Variants in SRCAP observed in about 807,000 individuals in gnomAD.
The protein encoded by SRCAP is chromatin remodeling protein SRCAP.
SRCAP carries 46 observed loss-of-function variants against 263.1 expected under a neutral mutation model. That is an observed-to-expected ratio of 0.17 (90% CI 0.14 to 0.22). SRCAP has a LOEUF of 0.22. SRCAP is among the 10% of genes least tolerant of loss of function. The probability of loss-of-function intolerance (pLI) is 1.00; values close to 1 mark genes in which losing one functional copy is unlikely to be tolerated. For synonymous variants in SRCAP, 1,813 were observed against 1,662.1 expected, an observed-to-expected ratio of 1.09 and a Z score of -2.21; for missense variants, 3,695 against 4,181.9, an observed-to-expected ratio of 0.88 and a Z score of 3.21.
In SRCAP at chr16:30,729,643, G is replaced by C. The variant is rs76602626; in HGVS notation, c.6127+71G>C. The stretch of plus-strand genomic sequence containing the variant: ...TTAGTATTAAGACTGTTGTATCAGA[G>C]GGATGCTGCACTTAAGTTCTCTTGC... On this transcript the variant is annotated intron_variant, in intron 27 of 33. Transcript: ENST00000262518. The C allele has an allele frequency of 3.3e-3, 5,133 of 1,562,682 alleles. 15 individuals carry two copies. The highest frequency in any genetic ancestry group is 4.1e-3 in the Non-Finnish European group (4,722 of 1,139,310).
chr16:30,737,498 C>T lies in SRCAP; in HGVS notation c.7458C>T (p.Pro2486=). The change falls in exon 34 of 34, where the codon CCC becomes CCT. Residue 2486 remains proline (P), a synonymous_variant. Coordinates refer to ENST00000262518, the MANE Select transcript of SRCAP (RefSeq NM_006662.3). ...CTGTCCATATCTTGCCTTCTCCTCCCCCTCCTTCACAGATTCCTCCTTGTT... is the reference window on the plus strand; with the variant it reads ...CTGTCCATATCTTGCCTTCTCCTCCTCCTCCTTCACAGATTCCTCCTTGTT... ...ILPVHILPSP[P]PPSQIPPCSS... The T allele has an allele frequency of 1.3e-6, 2 of 1,597,564 alleles. No homozygotes were observed. Among genetic ancestry groups the T allele is most frequent in the Non-Finnish European group, 8.6e-7 (1 of 1,165,758 alleles).
At position 30,737,039 on chromosome 16, in the gene SRCAP, G is replaced by A. The variant is rs1393940379; in HGVS notation, c.7009-10G>A. ...CTCCTCCTGACCACTTTTGGACCCT[G>A]TTGTTGTAGGAGCAAGTGGAAGCTG... On this transcript the variant is annotated splice_polypyrimidine_tract_variant and intron_variant, in intron 33 of 33. Transcript: ENST00000262518. 21 of 1,572,990 alleles carry A rather than the reference G, an allele frequency of 1.3e-5. No homozygotes were observed. The highest frequency in any genetic ancestry group is 1.8e-5 in the Non-Finnish European group (21 of 1,158,840).
intron 18 of SRCAP, among the ~76,000 whole-genome samples, chr16:30,719,302 G>A (rs571854053): frequency 7.3e-5 from 11 of 151,616 alleles, no homozygotes; most frequent in African/African-American, 1.7e-4. Flanking sequence ...TGCAAGCTCC[G>A]CCCCTCCAGG....
At chr16:30,714,472 A>G (rs1434769376) in intron 16 of SRCAP, among the ~76,000 whole-genome samples, 1 of 148,938 alleles carries the variant, frequency 6.7e-6, no homozygotes, top group Non-Finnish European at 1.5e-5. Flanking sequence ...GCCTCCGAAA[A>G]TCCTGGAATT....
In SRCAP at chr16:30,724,619, T is replaced by C; in HGVS notation, c.5195T>C (p.Leu1732Pro). Residue 1732 changes from leucine (L) to proline (P), a missense_variant, in exon 25 of 34, where the codon CTG (leucine) becomes CCG (proline). Around this residue, in one of 12 missense-constraint regions of SRCAP, gnomAD observed 1,347 missense variants for 1,304.4 expected, o/e 1.03. Transcript: ENST00000262518. ...CTGGTACCAACTCCAGCCCAGACAC[T>C]GTCTTTGGCACCAGGACCACCACTG... is the stretch of plus-strand genomic sequence containing the variant. ...SSLVPTPAQT[L>P]SLAPGPPLGP... is the part of the protein sequence containing the mutation. 1 of 1,614,088 alleles carries C rather than the reference T, an allele frequency of 6.2e-7. No homozygotes were observed. The highest frequency in any genetic ancestry group is 8.5e-7 in the Non-Finnish European group (1 of 1,180,028).
At chr16:30,711,452 C>T (rs748057908) in intron 10 of SRCAP, 119 bp from the exon 11 acceptor site, 59 of 1,041,386 alleles carry the variant, frequency 5.7e-5, no homozygotes, top group Non-Finnish European at 7.5e-5. Flanking sequence ...TCTTTTGCCT[C>T]CCCTCAGACC....
At chr16:30,714,142 G>A (rs1309629047) in intron 16 of SRCAP, among the ~76,000 whole-genome samples, 7 of 149,162 alleles carry the variant, frequency 4.7e-5, no homozygotes, top group African/African-American at 7.4e-5. Context: ...TTGGCTCACT[G>A]CAAGCTTTGC....
chr16:30,703,246 G>A (rs918155612), intron 3 of SRCAP, among the ~76,000 whole-genome samples: 7 of 150,910 alleles, frequency 4.6e-5, no homozygotes, highest in African/African-American at 1.5e-4. Flanking sequence ...ATGCAGTGGC[G>A]CGATCTCGGC....
intron 13 of SRCAP, 30 bp from the exon 14 acceptor site, chr16:30,712,649 C>T (rs1330794805): frequency 1.2e-6 from 2 of 1,613,642 alleles, no homozygotes; most frequent in Non-Finnish European, 1.7e-6. Context: ...TTTACATTTC[C>T]TTACCATCTC....
In SRCAP at chr16:30,712,749, G is replaced by T. The variant is rs4889500; in HGVS notation, c.2064G>T (p.Arg688=). The T allele has an allele frequency of 0.99, 1,605,071 of 1,614,002 alleles. 798,477 individuals are homozygous for T. Among genetic ancestry groups the T allele is most frequent in the Non-Finnish European group, 1 (1,179,876 of 1,180,018 alleles). Residue 688 remains arginine, a synonymous_variant, in exon 14 of 34, where the codon CGG becomes CGT. Coordinates refer to ENST00000262518, the MANE Select transcript of SRCAP (RefSeq NM_006662.3). Reference sequence around the variant, plus strand: ...TGAACTGGGAGATGGAGTTGAAACGGTGGTGCCCCAGCTTTAAAATCCTCA... The same window carrying T: ...TGAACTGGGAGATGGAGTTGAAACGTTGGTGCCCCAGCTTTAAAATCCTCA... The part of the protein sequence containing the change: ...VMLNWEMELK[R]WCPSFKILTY...
chr16:30,733,209 C>A lies in SRCAP; in HGVS notation c.6128-71C>A. 2 of 1,524,098 alleles carry A rather than the reference C, an allele frequency of 1.3e-6. No homozygotes were observed. Among genetic ancestry groups the A allele is most frequent in the Non-Finnish European group, 1.8e-6 (2 of 1,123,450 alleles). The allele number at this position is 1,524,098 out of a possible 1,614,324, so 94.4% of individuals were successfully genotyped here. A position where few individuals can be genotyped will look rare whatever the true frequency, so the allele number is the denominator to read the frequency against. On this transcript the variant is annotated intron_variant, in intron 27 of 33. Transcript: ENST00000262518. This position sits in a 1 kb window ranked among gnomAD's most constrained non-coding sequence, Gnocchi z 5.3. ...AGCATTGATTATCTTTCAACCCCAG[C>A]CTTGCATTGCTAAGCATTCTACCCA...
Position 30,724,606 on chromosome 16 carries a change from C to T in SRCAP, c.5182C>T (p.Pro1728Ser), listed in dbSNP as rs2053044714. The T allele has an allele frequency of 3.7e-6, 6 of 1,614,210 alleles. No homozygotes were observed. The highest frequency in any genetic ancestry group is 5.1e-6 in the Non-Finnish European group (6 of 1,180,044). The change falls in exon 25 of 34, where the codon CCA becomes TCA. Residue 1728 changes from proline (P) to serine (S), a missense_variant. Pro to Ser is a moderately conservative substitution (Grantham distance 74). This residue lies in a region of SRCAP where 1,347 missense variants were observed against 1,304.4 expected (regional missense o/e 1.03). Transcript: ENST00000262518. Reference protein sequence around the residue: ...LTPASSLVPTPAQTLSLAPGP... With the variant: ...LTPASSLVPTSAQTLSLAPGP... ...TCCAGCATCATCCCTGGTACCAACT[C>T]CAGCCCAGACACTGTCTTTGGCACC... is the stretch of plus-strand genomic sequence containing the variant.
At position 30,709,725 on chromosome 16, in the gene SRCAP, G is replaced by A. The variant is rs1434846873; in HGVS notation, c.846G>A (p.Leu282=). ...ASSPPPPASR[L]DDEDGDFQPQ... ...GTCCTCCACCCCCTGCTTCTCGCCT[G>A]GATGATGAAGGTGTGTGTTCTCTTT... The change falls in exon 7 of 34, where the codon CTG becomes CTA. Residue 282 remains leucine, a synonymous_variant. Coordinates refer to ENST00000262518, the MANE Select transcript of SRCAP (RefSeq NM_006662.3). The A allele has an allele frequency of 3.7e-6, 6 of 1,614,158 alleles. No homozygotes were observed. Among genetic ancestry groups the A allele is most frequent in the Non-Finnish European group, 4.2e-6 (5 of 1,180,042 alleles).
rs2052857574 is a variant in SRCAP, at chr16:30,708,974, A to G, written c.634-539A>G. 1.3e-5 allele frequency among the ~76,000 whole-genome samples: 2 copies of G among 152,102 alleles called. 1 individual carries two copies. The highest frequency in any genetic ancestry group is 4.1e-4 in the South Asian group (2 of 4,826). On this transcript the variant is annotated intron_variant, in intron 6 of 33. Transcript: ENST00000262518. ...GCTGAGTTTACAGGTGCCCGCCACC[A>G]CGCCTGGCTAATTTTTTATTTTTAG...
intron 3 of SRCAP, among the ~76,000 whole-genome samples, chr16:30,701,834 G>C (rs1254189053): frequency 1.3e-5 from 2 of 151,216 alleles, no homozygotes; most frequent in African/African-American, 4.9e-5. Flanking sequence ...TCACCATCAT[G>C]TTGGCCAGGC....
intron 18 of SRCAP, among the ~76,000 whole-genome samples, chr16:30,719,461 C>T (rs1289679893): frequency 6.6e-6 from 1 of 152,040 alleles, no homozygotes; most frequent in East Asian, 1.9e-4. Context: ...GTGATCCACC[C>T]GCCTCGGCCT....
rs1345640704 is a variant in SRCAP at position 30,707,568 on chromosome 16, A to G, written c.493-4A>G. 6.8e-6 allele frequency: 11 copies of G among 1,612,594 alleles called. No individual in the cohort carries two copies. Among genetic ancestry groups the G allele is most frequent in the South Asian group, 1.1e-5 (1 of 90,854 alleles). ...GTTTTCACCCTGGGTCTTCATTCCC[A>G]CAGGTGGTGCGCATGGTGATCCGGC... On this transcript the variant is annotated splice_polypyrimidine_tract_variant and splice_region_variant and intron_variant, in intron 5 of 33. Transcript: ENST00000262518.
chr16:30,705,730 G>A (rs749831846), intron 4 of SRCAP, among the ~76,000 whole-genome samples: 3 of 149,538 alleles, frequency 2.0e-5, no homozygotes, highest in Non-Finnish European at 4.4e-5. Context: ...TCCTTGAGAC[G>A]GAGTCTCAGT....
chr16:30,707,522 T>C (rs778544087), intron 5 of SRCAP, 50 bp from the exon 6 acceptor site: 10 of 1,607,458 alleles, frequency 6.2e-6, no homozygotes, highest in Non-Finnish European at 7.6e-6. Context: ...TGCCTTTGGG[T>C]GGGGAAGTCT....
Sources: gnomAD v4.1 joint callset for allele counts (sites outside exome capture counted in the v4.1 genomes callset) on GRCh38, gnomAD v4.1.1 for gene constraint, gnomAD v4.1.1 regional missense constraint, Gnocchi (gnomAD v3.1) non-coding constraint, MANE v1.5 for transcripts, NCBI Gene and HGNC (gene_info 2026-07-23, HGNC 2026-07-21) for gene names.